Variants in PLCB1 observed in about 807,000 individuals in gnomAD.
The protein encoded by PLCB1 is 1-phosphatidylinositol 4,5-bisphosphate phosphodiesterase beta-1.
Under a neutral mutation model 161.8 loss-of-function variants are expected in PLCB1, and 46 were observed. The observed-to-expected ratio is 0.28, with a 90% CI of 0.22 to 0.36. The LOEUF (loss-of-function observed/expected upper bound fraction) is 0.36. Among genes scored for constraint, PLCB1 ranks in the 10% least tolerant of loss-of-function variants. PLCB1 has a pLI of 1.00. For synonymous variants in PLCB1, 517 were observed against 503.7 expected (o/e 1.03, Z -0.35); for missense variants, 1,016 against 1,472.5 (o/e 0.69, Z 5.07).
Position 8,261,032 on chromosome 20 carries a change from A to G in PLCB1, c.178-110350A>G, listed in dbSNP as rs189140423. 9.9e-5 allele frequency among the ~76,000 whole-genome samples: 15 copies of G among 152,246 alleles called. No individual in the cohort carries two copies. The East Asian group carries it at 2.9e-3, about 29-fold the overall frequency. On this transcript the variant is annotated intron_variant, in intron 2 of 31. Transcript: ENST00000338037. ...CCTCACAGCCCTTGTGTTGCAATCC[A>G]TGCTCCAGAGGTCTCCAAGGGATCG... is the stretch of plus-strand genomic sequence containing the variant.
chr20:8,667,226 A>G (rs2123350489), intron 9 of PLCB1, among the ~76,000 whole-genome samples: 1 of 152,314 alleles, frequency 6.6e-6, no homozygotes, highest in South Asian at 2.1e-4. Context: ...GCTGCTGAAA[A>G]GCTACTCTAG....
chr20:8,253,222 A>G (rs1354867975), intron 2 of PLCB1, among the ~76,000 whole-genome samples: 1 of 151,988 alleles, frequency 6.6e-6, no homozygotes, highest in East Asian at 1.9e-4. Context: ...CCTTCAGCCA[A>G]TAACTGATAG....
intron 15 of PLCB1, among the ~76,000 whole-genome samples, 192 bp from the exon 16 acceptor site, chr20:8,724,464 C>T (rs572710146): frequency 1.3e-5 from 2 of 152,210 alleles, no homozygotes; most frequent in South Asian, 4.1e-4. Flanking sequence ...CTCCCACCTC[C>T]CTTCCTCCCT....
chr20:8,324,199 G>GGTGTGTGT (rs60079589), intron 2 of PLCB1, among the ~76,000 whole-genome samples: 27 of 147,112 alleles, frequency 1.8e-4, no homozygotes, highest in African/African-American at 5.8e-4. Context: ...AACTGGTAGG[G>GGTGTGTGT]GTGTGTGTGT....
At chr20:8,681,119 T>TATATATAA (rs1485697576) in intron 9 of PLCB1, among the ~76,000 whole-genome samples, 1,361 of 81,606 alleles carry the variant, frequency 0.017, 25 homozygotes, top group African/African-American at 0.044. Context: ...TATATATATA[T>TATATATAA]AATATATATA....
At chr20:8,551,732 C>T (rs2048065216) in intron 3 of PLCB1, among the ~76,000 whole-genome samples, 1 of 152,158 alleles carries the variant, frequency 6.6e-6, no homozygotes, top group African/African-American at 2.4e-5. Context: ...TGGTAGCTTG[C>T]TCAACAGTGC....
chr20:8,436,103 C>G (rs1980288651), intron 3 of PLCB1, among the ~76,000 whole-genome samples: 1 of 152,136 alleles, frequency 6.6e-6, no homozygotes, highest in Admixed American at 6.5e-5. Context: ...CTTTGGGAGG[C>G]TGAGGCAGGT....
chr20:8,662,259 A>T (rs1314092915), intron 9 of PLCB1, among the ~76,000 whole-genome samples: 14 of 123,146 alleles, frequency 1.1e-4, no homozygotes, highest in Non-Finnish European at 3.1e-5. Flanking sequence ...ATATAATTCT[A>T]TACATAAGTA....
At chr20:8,584,759 C>T (rs961076473) in intron 3 of PLCB1, among the ~76,000 whole-genome samples, 13 of 152,156 alleles carry the variant, frequency 8.5e-5, no homozygotes, top group African/African-American at 2.9e-4. Context: ...GGCACGATCT[C>T]GGCTCACTGC....
chr20:8,691,035 A>G (rs906263682), intron 10 of PLCB1, among the ~76,000 whole-genome samples: 2 of 152,202 alleles, frequency 1.3e-5, no homozygotes, highest in Non-Finnish European at 2.9e-5. Context: ...AAACAAAACT[A>G]TATAAAAATA....
chr20:8,649,382 G>A lies in PLCB1; in HGVS notation c.527G>A (p.Arg176His), dbSNP rs777737218. 1.9e-6 allele frequency: 3 copies of A among 1,612,774 alleles called. No individual in the cohort carries two copies. Among genetic ancestry groups the A allele is most frequent in the African/African-American group, 1.3e-5 (1 of 74,966 alleles). The change falls in exon 7 of 32, where the codon CGC becomes CAC. Residue 176 changes from arginine to histidine, a missense_variant. Physicochemically the swap from Arg to His is conservative, Grantham distance 29. Around this residue, in one of 10 missense-constraint regions of PLCB1, gnomAD observed 181 missense variants for 236.7 expected, o/e 0.76. Transcript: ENST00000338037. ...TTGTGTTCACTTCACAGCATATATC[G>A]CTTGTTTTCAGCAGATCGGAAGCGA... ...EGRIPLKNIY[R>H]LFSADRKRVE... is the part of the protein sequence containing the mutation.
chr20:8,146,457 G>A (rs1261906054), intron 1 of PLCB1, among the ~76,000 whole-genome samples: 1 of 152,190 alleles, frequency 6.6e-6, no homozygotes, highest in Non-Finnish European at 1.5e-5. Flanking sequence ...ACAGTGATTG[G>A]CTCAGAGCAA....
chr20:8,539,143 G>A (rs566522373), intron 3 of PLCB1, among the ~76,000 whole-genome samples: 37 of 152,098 alleles, frequency 2.4e-4, no homozygotes, highest in African/African-American at 5.1e-4. Context: ...TATTTTCATC[G>A]TGCCCTTAAT....
chr20:8,790,126 A>T (rs1372458313), intron 30 of PLCB1, 49 bp from the exon 31 acceptor site: 27 of 1,315,920 alleles, frequency 2.1e-5, no homozygotes, highest in Non-Finnish European at 2.7e-5. Flanking sequence ...GAAAACGTGC[A>T]CTTTTAAATG....
intron 2 of PLCB1, chr20:8,256,720 C>G (rs912554820): frequency 2.6e-5 from 4 of 152,062 alleles, no homozygotes; most frequent in African/African-American, 7.2e-5. Flanking sequence ...TCCTCCCTAC[C>G]CTTTTCATTG....
At chr20:8,162,767 C>T (rs553763847) in intron 2 of PLCB1, among the ~76,000 whole-genome samples, 1 of 152,174 alleles carries the variant, frequency 6.6e-6, no homozygotes, top group Non-Finnish European at 1.5e-5. Flanking sequence ...TGGGACAGAG[C>T]TAGTTGCTAT....
rs200290613 is a variant in PLCB1 at position 8,396,947 on chromosome 20, T to C, written c.246+25497T>C. On this transcript the variant is annotated intron_variant, in intron 3 of 31. Transcript: ENST00000338037. ...ACAATTTCTGTTTTATTTTTGCTAT[T>C]ATAGGTAAATCTGAAGCAGATATCT... Among the ~76,000 whole-genome samples the C allele has an allele frequency of 3.9e-5, 6 of 152,186 alleles. No homozygotes were observed. In the East Asian group the frequency reaches 1.2e-3, roughly 29 times the overall value.
At chr20:8,484,605 T>C (rs573486474) in intron 3 of PLCB1, among the ~76,000 whole-genome samples, 1 of 152,190 alleles carries the variant, frequency 6.6e-6, no homozygotes, top group South Asian at 2.1e-4. Flanking sequence ...CAAGTGATCC[T>C]CCCGAAGTGC....
chr20:8,562,469 T>C (rs918449901), intron 3 of PLCB1, among the ~76,000 whole-genome samples: 2 of 152,098 alleles, frequency 1.3e-5, no homozygotes, highest in African/African-American at 2.4e-5. Flanking sequence ...AAAGCTGTGC[T>C]CCGGCAGAAA....
Sources: allele counts gnomAD v4.1 joint callset (sites outside exome capture counted in the v4.1 genomes callset), GRCh38; gene constraint gnomAD v4.1.1; regional missense constraint gnomAD v4.1.1; transcripts MANE v1.5; gene names NCBI Gene and HGNC (gene_info 2026-07-23, HGNC 2026-07-21).